The following CCSER1 variants were observed in gnomAD, a reference collection of about 807,000 sequenced individuals.
The protein encoded by CCSER1 is serine-rich coiled-coil domain-containing protein 1.
Under a neutral mutation model 82.0 loss-of-function variants are expected in CCSER1, and 41 were observed. The ratio of observed to expected loss-of-function variants is 0.50; its 90% confidence interval spans 0.39 to 0.65. The LOEUF (loss-of-function observed/expected upper bound fraction) is 0.65. CCSER1 is among the 30% of genes least tolerant of loss of function. CCSER1 has a pLI of 0.00. For synonymous variants in CCSER1, 414 were observed against 383.9 expected (o/e 1.08, Z -0.92); for missense variants, 1,119 against 1,064.2 (o/e 1.05, Z -0.72).
At chr4:90,908,863 T>C (rs1412542124) in intron 8 of CCSER1, among the ~76,000 whole-genome samples, 1 of 152,212 alleles carries the variant, frequency 6.6e-6, no homozygotes, top group Non-Finnish European at 1.5e-5. Flanking sequence ...GGAGAAGGTA[T>C]GGATGAAGAC....
rs76442058 is a variant in CCSER1, at chr4:90,641,401, G to A, written c.1932+13169G>A. On this transcript the variant is annotated intron_variant, in intron 6 of 10. Transcript: ENST00000509176. ...AGTGGGGGAAGGCATGTGCAGTTAC[G>A]AAGGGGCACACAGAGGTCTTTCTAG... Among the ~76,000 whole-genome samples, 23 of 152,196 alleles carry A rather than the reference G, an allele frequency of 1.5e-4. No individual in the cohort carries two copies. In the East Asian group the frequency reaches 3.5e-3, roughly 23 times the overall value.
At chr4:90,358,219 T>C (rs1406605579) in intron 3 of CCSER1, among the ~76,000 whole-genome samples, 1 of 152,016 alleles carries the variant, frequency 6.6e-6, no homozygotes, top group Admixed American at 6.5e-5. Context: ...ATTTAAACTT[T>C]TGTCTAGTAC....
intron 4 of CCSER1, among the ~76,000 whole-genome samples, chr4:90,409,835 C>T (rs187295207): frequency 2.0e-5 from 3 of 152,206 alleles, no homozygotes; most frequent in Non-Finnish European, 4.4e-5. Context: ...CACAGACTAG[C>T]AAATCAGATA....
At chr4:90,930,011 AAAT>A (rs1729534499) in intron 9 of CCSER1, among the ~76,000 whole-genome samples, 1 of 152,200 alleles carries the variant, frequency 6.6e-6, no homozygotes. Flanking sequence ...TGTCAGTTAA[AAAT>A]AATGTTAACT....
chr4:90,463,848 G>C (rs1005977181), intron 4 of CCSER1, among the ~76,000 whole-genome samples: 2 of 152,080 alleles, frequency 1.3e-5, no homozygotes, highest in African/African-American at 4.8e-5. Flanking sequence ...AGACAAAAAT[G>C]CCTCTCTGAT....
intron 3 of CCSER1, among the ~76,000 whole-genome samples, chr4:90,383,482 TC>T (rs1425548660): frequency 6.6e-6 from 1 of 152,128 alleles, no homozygotes; most frequent in Non-Finnish European, 1.5e-5. Flanking sequence ...AGTCAAGACT[TC>T]TCTTTCAAAA....
rs70965459 is a variant in CCSER1 at position 90,932,828 on chromosome 4, CA to C, written c.2172+9398del. 2.7e-3 allele frequency among the ~76,000 whole-genome samples: 68 copies of C among 25,184 alleles called. 4 individuals are homozygous for C. The highest frequency in any genetic ancestry group is 0.016 in the Admixed American group (29 of 1,868). 16.5% of individuals were successfully genotyped at this position (25,184 alleles called of 152,430 possible). ...GGGTGACAGAGCAAGACTCCGTCTC[CA>C]AAAAAAAAAAAAAAAAGAAACAATG... On this transcript the variant is annotated intron_variant, in intron 9 of 10. Transcript: ENST00000509176.
intron 10 of CCSER1, among the ~76,000 whole-genome samples, chr4:91,559,308 A>G (rs1762548843): frequency 6.6e-6 from 1 of 151,638 alleles, no homozygotes; most frequent in South Asian, 2.1e-4. Context: ...CTGGTCCACT[A>G]TGAGCATCTT....
At chr4:90,207,404 T>G in intron 1 of CCSER1, among the ~76,000 whole-genome samples, 1 of 152,224 alleles carries the variant, frequency 6.6e-6, no homozygotes, top group Non-Finnish European at 1.5e-5. Context: ...TAACCTTTTT[T>G]CAAGGTTCTT....
At chr4:90,827,048 G>A (rs1465852920) in intron 8 of CCSER1, among the ~76,000 whole-genome samples, 1 of 152,196 alleles carries the variant, frequency 6.6e-6, no homozygotes, top group East Asian at 1.9e-4. Flanking sequence ...TGAGAAGTGG[G>A]AGCACAGCTC....
At chr4:90,635,396 A>G (rs77821848) in intron 6 of CCSER1, among the ~76,000 whole-genome samples, 4,416 of 151,802 alleles carry the variant, frequency 0.029, 204 homozygotes, top group African/African-American at 0.1. Context: ...ACTAGGAATC[A>G]AAAATAATAA....
intron 8 of CCSER1, among the ~76,000 whole-genome samples, chr4:90,870,822 T>C (rs1205931633): frequency 6.6e-6 from 1 of 150,410 alleles, no homozygotes; most frequent in Non-Finnish European, 1.5e-5. Context: ...TGGCTTTTTT[T>C]TTTTTTTTTT....
At chr4:90,482,902 AC>A (rs1560588110) in intron 5 of CCSER1, among the ~76,000 whole-genome samples, 1 of 152,050 alleles carries the variant, frequency 6.6e-6, no homozygotes, top group Non-Finnish European at 1.5e-5. Context: ...TTGGTGCAGA[AC>A]TGACTTCAAT....
At chr4:91,384,510 A>C (rs2149342551) in intron 10 of CCSER1, among the ~76,000 whole-genome samples, 1 of 152,208 alleles carries the variant, frequency 6.6e-6, no homozygotes, top group Non-Finnish European at 1.5e-5. Flanking sequence ...TTAGGATAAC[A>C]AAATGTCATT....
chr4:91,550,659 GCTATA>G (rs1294930854), intron 10 of CCSER1, among the ~76,000 whole-genome samples: 1 of 152,110 alleles, frequency 6.6e-6, no homozygotes, highest in African/African-American at 2.4e-5. Context: ...AGCTTCTTGG[GCTATA>G]CTATACTATA....
At chr4:91,595,943 T>TAAAAAAAAAAAAAAAAA (rs1170927227) in intron 10 of CCSER1, among the ~76,000 whole-genome samples, 2 of 78,888 alleles carry the variant, frequency 2.5e-5, no homozygotes, top group African/African-American at 5.3e-5. Flanking sequence ...ACAGAGAACT[T>TAAAAAAAAAAAAAAAAA]AAAAAAAAAA....
intron 5 of CCSER1, among the ~76,000 whole-genome samples, chr4:90,482,906 A>C (rs994788966): frequency 6.6e-6 from 1 of 152,174 alleles, no homozygotes; most frequent in African/African-American, 2.4e-5. Context: ...TGCAGAACTG[A>C]CTTCAATTCC....
intron 10 of CCSER1, among the ~76,000 whole-genome samples, chr4:91,451,908 C>A (rs1755890573): frequency 6.6e-6 from 1 of 151,996 alleles, no homozygotes; most frequent in South Asian, 2.1e-4. Flanking sequence ...TCTGATTAGC[C>A]TGGGTTGAGC....
rs1214658352 is a variant in CCSER1 at position 91,072,640 on chromosome 4, G to T, written c.2173-13310G>T. ...AAAGTATTAGTTACTTTTGGAGGTA[G>T]TATGTGTAATAGTTCCAAAAGTAGC... On this transcript the variant is annotated intron_variant, in intron 9 of 10. Transcript: ENST00000509176. 2.6e-5 allele frequency among the ~76,000 whole-genome samples: 4 copies of T among 152,178 alleles called. No homozygotes were observed. In the South Asian group the frequency reaches 8.3e-4, roughly 32 times the overall value.
Sources: allele counts gnomAD v4.1 joint callset (sites outside exome capture counted in the v4.1 genomes callset), GRCh38; gene constraint gnomAD v4.1.1; transcripts MANE v1.5; gene names NCBI Gene and HGNC (gene_info 2026-07-23, HGNC 2026-07-21).